RDX: variants seen among roughly 807,000 people sequenced by gnomAD.
RDX encodes the protein radixin, also known as deafness, autosomal recessive 24.
Under a neutral mutation model 83.7 loss-of-function variants are expected in RDX, and 32 were observed. The ratio of observed to expected loss-of-function variants is 0.38; its 90% CI spans 0.29 to 0.51. The LOEUF is 0.51. RDX is among the 20% of genes least tolerant of loss of function. The probability of loss-of-function intolerance (pLI) is 0.87; values close to 1 mark genes in which losing one functional copy is unlikely to be tolerated. For missense variants in RDX, 600 were observed against 689.9 expected (o/e 0.87, Z 1.46); for synonymous variants, 229 against 222.7 (o/e 1.03, Z -0.25).
chr11:110,250,894 A>T (rs896004340), intron 9 of RDX, among the ~76,000 whole-genome samples: 2 of 152,136 alleles, frequency 1.3e-5, no homozygotes, highest in African/African-American at 4.8e-5. Context: ...AGCCCTTTAC[A>T]TTACTCAGTG....
Position 110,230,611 on chromosome 11 carries a change from GTCTCTCTCTCATTC to G in RDX, c.*1244_*1257del, listed in dbSNP as rs1864595922. 1 of 117,652 alleles carries G rather than the reference GTCTCTCTCTCATTC, an allele frequency of 8.5e-6. No homozygotes were observed. Among genetic ancestry groups the G allele is most frequent in the East Asian group, 2.2e-4 (1 of 4,560 alleles). 7.3% of individuals were successfully genotyped at this position (117,652 alleles called of 1,614,324 possible). A position where few individuals can be genotyped will look rare whatever the true frequency, so the allele number is the denominator to read the frequency against. On this transcript the variant is annotated 3_prime_UTR_variant, in exon 14 of 14. Transcript: ENST00000645495. ...ACACACACACACACACACACACACA[GTCTCTCTCTCATTC>G]TCTCTCTCTCTTGCTCAGCCATACA...
chr11:110,262,824 G>A (rs953099219), intron 5 of RDX, among the ~76,000 whole-genome samples: 2 of 152,106 alleles, frequency 1.3e-5, no homozygotes, highest in African/African-American at 4.8e-5. Flanking sequence ...ATATAGCAAA[G>A]GGTGGAATCG....
intron 2 of RDX, among the ~76,000 whole-genome samples, chr11:110,276,184 C>T (rs1038851094): frequency 6.6e-6 from 1 of 151,990 alleles, no homozygotes; most frequent in African/African-American, 2.4e-5. Context: ...ATGATTTTTG[C>T]TTATGATGTT....
At chr11:110,208,913 G>A (rs1218595042) in intron 14 of RDX, among the ~76,000 whole-genome samples, 3 of 152,192 alleles carry the variant, frequency 2.0e-5, no homozygotes, top group Non-Finnish European at 2.9e-5. Context: ...CAGAGATCAC[G>A]TCATTACACT....
chr11:110,210,872 C>T (rs1863808801), intron 14 of RDX, among the ~76,000 whole-genome samples: 1 of 151,994 alleles, frequency 6.6e-6, no homozygotes, highest in Non-Finnish European at 1.5e-5. Flanking sequence ...CCAGTACCAG[C>T]CATTGCAAAA....
chr11:110,196,272 T>C (rs1242945455), intron 15 of RDX: 1 of 152,224 alleles, frequency 6.6e-6, no homozygotes, highest in Admixed American at 6.5e-5. Flanking sequence ...TGACCCTGAA[T>C]GTCTTTGCAC....
intron 10 of RDX, among the ~76,000 whole-genome samples, chr11:110,244,611 G>A (rs1865236022): frequency 6.6e-6 from 1 of 151,998 alleles, no homozygotes; most frequent in Non-Finnish European, 1.5e-5. Flanking sequence ...ATTTCTTTTT[G>A]GGATAATGAA....
At chr11:110,292,935 C>A (rs1437886016) in intron 1 of RDX, among the ~76,000 whole-genome samples, 1 of 152,196 alleles carries the variant, frequency 6.6e-6, no homozygotes, top group African/African-American at 2.4e-5. Context: ...TCATTGTCAA[C>A]TATATGCCAT....
At chr11:110,295,744 T>A (rs1861428142) in intron 1 of RDX, among the ~76,000 whole-genome samples, 1 of 152,010 alleles carries the variant, frequency 6.6e-6, no homozygotes, top group Admixed American at 6.5e-5. Flanking sequence ...TGTACTGAAC[T>A]TGTCTGGTGG....
chr11:110,220,149 A>C (rs1296653109), intron 14 of RDX, among the ~76,000 whole-genome samples: 1 of 152,210 alleles, frequency 6.6e-6, no homozygotes, highest in Non-Finnish European at 1.5e-5. Context: ...ATACCTTCTA[A>C]GAGAATCATA....
chr11:110,247,231 T>G (rs1859148986), intron 10 of RDX, among the ~76,000 whole-genome samples: 1 of 152,204 alleles, frequency 6.6e-6, no homozygotes, highest in African/African-American at 2.4e-5. Flanking sequence ...TGTTGTGTAT[T>G]TTCTAGTAGA....
intron 14 of RDX, among the ~76,000 whole-genome samples, chr11:110,207,025 T>G (rs568733378): frequency 6.6e-6 from 1 of 152,174 alleles, no homozygotes; most frequent in South Asian, 2.1e-4. Flanking sequence ...CAGGCTGGAG[T>G]GCAGTGGCAT....
chr11:110,199,405 G>C (rs1272588326), intron 15 of RDX, among the ~76,000 whole-genome samples: 1 of 152,222 alleles, frequency 6.6e-6, no homozygotes, highest in African/African-American at 2.4e-5. Flanking sequence ...GATGGAATCA[G>C]AGGCTGTAAA....
chr11:110,289,111 G>T (rs1861109794), intron 1 of RDX, among the ~76,000 whole-genome samples: 1 of 152,016 alleles, frequency 6.6e-6, no homozygotes, highest in Non-Finnish European at 1.5e-5. Flanking sequence ...GGTGGCGCAT[G>T]CCTGTAATCC....
chr11:110,234,291 C>G (rs1299775210), intron 12 of RDX, among the ~76,000 whole-genome samples: 1 of 152,080 alleles, frequency 6.6e-6, no homozygotes, highest in Non-Finnish European at 1.5e-5. Context: ...TCTGTAGGTC[C>G]CTTCAATAAA....
At chr11:110,270,725 C>T (rs983345313) in intron 3 of RDX, among the ~76,000 whole-genome samples, 7 of 152,168 alleles carry the variant, frequency 4.6e-5, no homozygotes, top group Admixed American at 4.6e-4. Context: ...AACCACTGTA[C>T]ATCACTGCCC....
intron 5 of RDX, 67 bp downstream of exon 5, chr11:110,263,893 C>A: frequency 5.3e-6 from 7 of 1,318,056 alleles, no homozygotes; most frequent in Admixed American, 2.1e-5. Context: ...ACCTGAAAAA[C>A]GTTTTATTTA....
At chr11:110,209,098 T>G (rs1863714080) in intron 14 of RDX, among the ~76,000 whole-genome samples, 1 of 151,664 alleles carries the variant, frequency 6.6e-6, no homozygotes, top group African/African-American at 2.4e-5. Context: ...CACTAGGGAG[T>G]GCCAGAGAGT....
chr11:110,278,889 TAAGAA>T (rs940059511), intron 2 of RDX, among the ~76,000 whole-genome samples: 2 of 151,280 alleles, frequency 1.3e-5, no homozygotes, highest in Non-Finnish European at 1.5e-5. Flanking sequence ...TTTATTAGAT[TAAGAA>T]AAGAACATTT....
Sources: allele counts gnomAD v4.1 joint callset (sites outside exome capture counted in the v4.1 genomes callset), GRCh38; gene constraint gnomAD v4.1.1; transcripts MANE v1.5; gene names NCBI Gene and HGNC (gene_info 2026-07-23, HGNC 2026-07-21).